The following ST6GALNAC3 variants were observed in gnomAD, a reference collection of about 807,000 sequenced individuals.
ST6GALNAC3 encodes the protein ST6 N-acetylgalactosaminide alpha-2,6-sialyltransferase 3, also known as alpha-N-acetylgalactosaminide alpha-2,6-sialyltransferase 3.
In ST6GALNAC3, 25 loss-of-function variants were observed where a neutral mutation model predicts 32.7. The ratio of observed to expected loss-of-function variants is 0.76; its 90% CI spans 0.56 to 1.07. The LOEUF is 1.07. Ranked by LOEUF, ST6GALNAC3 falls within the 50% of genes least tolerant of loss-of-function variation. The pLI is 0.00. For missense variants in ST6GALNAC3, 355 were observed against 382.4 expected (o/e 0.93, Z 0.60); for synonymous variants, 129 against 133.1 (o/e 0.97, Z 0.21).
intron 3 of ST6GALNAC3, among the ~76,000 whole-genome samples, chr1:76,456,804 G>T (rs1571290352): frequency 6.6e-6 from 1 of 152,148 alleles, no homozygotes; most frequent in Non-Finnish European, 1.5e-5. Context: ...AGACAGGGAT[G>T]CCCTCTCTCA....
chr1:76,315,408 A>C (rs866325625), intron 2 of ST6GALNAC3, among the ~76,000 whole-genome samples: 5 of 152,294 alleles, frequency 3.3e-5, no homozygotes, highest in South Asian at 2.1e-4. Flanking sequence ...AATCCCGTCA[A>C]ATATCAAAGA....
chr1:76,219,457 T>C (rs1655648345), intron 1 of ST6GALNAC3, among the ~76,000 whole-genome samples: 2 of 152,216 alleles, frequency 1.3e-5, no homozygotes. Flanking sequence ...ACCTCTGGGC[T>C]CTTAGATGTG....
At chr1:76,560,092 A>G (rs1040145376) in intron 3 of ST6GALNAC3, among the ~76,000 whole-genome samples, 1 of 152,150 alleles carries the variant, frequency 6.6e-6, no homozygotes, top group Non-Finnish European at 1.5e-5. Flanking sequence ...GGAAAAGACC[A>G]TCTCTTCAAT....
intron 3 of ST6GALNAC3, among the ~76,000 whole-genome samples, chr1:76,537,693 C>T (rs1192817731): frequency 6.6e-6 from 1 of 152,134 alleles, no homozygotes; most frequent in Non-Finnish European, 1.5e-5. Context: ...GATGTCACCA[C>T]TGATCCCACA....
At chr1:76,561,804 T>A (rs979922193) in intron 3 of ST6GALNAC3, among the ~76,000 whole-genome samples, 1 of 152,170 alleles carries the variant, frequency 6.6e-6, no homozygotes, top group Non-Finnish European at 1.5e-5. Flanking sequence ...AACTTTTACA[T>A]GCATTTTCAA....
chr1:76,559,982 A>G (rs1269683090), intron 3 of ST6GALNAC3, among the ~76,000 whole-genome samples: 1 of 152,170 alleles, frequency 6.6e-6, no homozygotes, highest in Non-Finnish European at 1.5e-5. Context: ...AGCAAATGAC[A>G]TACAATGGAG....
intron 2 of ST6GALNAC3, among the ~76,000 whole-genome samples, chr1:76,400,100 T>A (rs1368279189): frequency 4.6e-5 from 7 of 152,188 alleles, no homozygotes; most frequent in Non-Finnish European, 1.0e-4. Flanking sequence ...TTCCTCATTT[T>A]GAAGGGATAG....
chr1:76,356,730 C>T (rs1183783509), intron 2 of ST6GALNAC3, among the ~76,000 whole-genome samples: 2 of 152,088 alleles, frequency 1.3e-5, no homozygotes, highest in African/African-American at 4.8e-5. Flanking sequence ...TCCTGAATCC[C>T]CCAGTCCTGA....
intron 1 of ST6GALNAC3, among the ~76,000 whole-genome samples, chr1:76,139,264 A>G (rs1044667675): frequency 1.3e-5 from 2 of 152,184 alleles, no homozygotes; most frequent in African/African-American, 4.8e-5. Context: ...AAGCACACAT[A>G]TATGCACACT....
intron 3 of ST6GALNAC3, among the ~76,000 whole-genome samples, chr1:76,563,421 C>T (rs1270868346): frequency 6.6e-6 from 1 of 152,194 alleles, no homozygotes; most frequent in South Asian, 2.1e-4. Flanking sequence ...AAGTCACGCT[C>T]ATTGCTTCTG....
chr1:76,205,601 A>C (rs534986573), intron 1 of ST6GALNAC3, among the ~76,000 whole-genome samples: 4 of 152,304 alleles, frequency 2.6e-5, no homozygotes, highest in African/African-American at 9.6e-5. Flanking sequence ...GAAAGTTAGC[A>C]TGCAGTTATG....
intron 1 of ST6GALNAC3, among the ~76,000 whole-genome samples, chr1:76,293,780 T>C (rs1466808987): frequency 6.6e-6 from 1 of 152,220 alleles, no homozygotes; most frequent in Non-Finnish European, 1.5e-5. Flanking sequence ...GTAAAATTCC[T>C]TCTGTTTCTA....
chr1:76,197,101 A>G (rs1187691247), intron 1 of ST6GALNAC3, among the ~76,000 whole-genome samples: 1 of 152,232 alleles, frequency 6.6e-6, no homozygotes, highest in Non-Finnish European at 1.5e-5. Context: ...ACTCACCTGA[A>G]CAATTTTCAC....
At chr1:76,325,478 G>A (rs4628548) in intron 2 of ST6GALNAC3, among the ~76,000 whole-genome samples, 110,256 of 151,776 alleles carry the variant, frequency 0.73, 43,222 homozygotes, top group East Asian at 0.98. Context: ...AATTATTTGT[G>A]ATATTCTTAG....
At chr1:76,363,224 G>A (rs140899089) in intron 2 of ST6GALNAC3, among the ~76,000 whole-genome samples, 10 of 152,154 alleles carry the variant, frequency 6.6e-5, no homozygotes, top group East Asian at 1.9e-4. Flanking sequence ...GCCACATATC[G>A]TACACTTTGC....
intron 2 of ST6GALNAC3, among the ~76,000 whole-genome samples, chr1:76,365,164 G>A (rs1650272731): frequency 6.6e-6 from 1 of 152,172 alleles, no homozygotes; most frequent in South Asian, 2.1e-4. Context: ...ATGAAACCAT[G>A]TACTTTGCAG....
intron 3 of ST6GALNAC3, among the ~76,000 whole-genome samples, chr1:76,545,347 C>G (rs1163900194): frequency 6.6e-6 from 1 of 152,064 alleles, no homozygotes; most frequent in African/African-American, 2.4e-5. Flanking sequence ...TATATAGGGT[C>G]AAAAACACAC....
chr1:76,433,065 T>A (rs1252940576), intron 3 of ST6GALNAC3, among the ~76,000 whole-genome samples: 2 of 152,180 alleles, frequency 1.3e-5, no homozygotes, highest in Admixed American at 1.3e-4. Context: ...CTGCTCACTC[T>A]GTTTTCTCTG....
chr1:76,423,822 G>A (rs773495285), intron 3 of ST6GALNAC3, among the ~76,000 whole-genome samples: 22 of 152,044 alleles, frequency 1.4e-4, no homozygotes, highest in Non-Finnish European at 2.8e-4. Context: ...AACTTTTGTT[G>A]ATTGGAGGGT....
Sources: gnomAD v4.1 joint callset for allele counts (sites outside exome capture counted in the v4.1 genomes callset) on GRCh38, gnomAD v4.1.1 for gene constraint, MANE v1.5 for transcripts, NCBI Gene and HGNC (gene_info 2026-07-23, HGNC 2026-07-21) for gene names.